Variants in TNFSF4 observed in about 807,000 individuals in gnomAD.
The protein encoded by TNFSF4 is tumor necrosis factor ligand superfamily member 4.
TNFSF4 carries 4 observed loss-of-function variants against 7.3 expected under a neutral mutation model. The observed-to-expected ratio is 0.55, with a 90% CI of 0.27 to 1.25. The LOEUF is 1.25. Ranked by LOEUF, TNFSF4 falls within the 50% of genes most tolerant of loss-of-function variation. TNFSF4 has a pLI of 0.12. For synonymous variants in TNFSF4, 76 were observed against 83.7 expected, an observed-to-expected ratio of 0.91 and a Z score of 0.50; for missense variants, 181 against 208.8, an observed-to-expected ratio of 0.87 and a Z score of 0.82.
the TNFSF4 span, among the ~76,000 whole-genome samples, chr1:173,379,616 C>T: frequency 1.3e-5 from 2 of 152,120 alleles, no homozygotes; most frequent in African/African-American, 4.8e-5. Context: ...ACTCTGGAGG[C>T]GTTATTAAAC....
intron 1 of TNFSF4, among the ~76,000 whole-genome samples, chr1:173,203,514 A>G (rs1298176066): frequency 6.6e-6 from 1 of 152,192 alleles, no homozygotes; most frequent in African/African-American, 2.4e-5. Context: ...GCTAATCTGA[A>G]ACAATATTTT....
At chr1:173,229,486 T>C in the TNFSF4 span, among the ~76,000 whole-genome samples, 10 of 152,240 alleles carry the variant, frequency 6.6e-5, no homozygotes, top group African/African-American at 2.4e-4. Context: ...ACATGCCAAA[T>C]TGTAAAGACC....
the TNFSF4 span, among the ~76,000 whole-genome samples, chr1:173,450,117 T>G: frequency 6.6e-6 from 1 of 152,046 alleles, no homozygotes. Context: ...CCACAGACCT[T>G]AAGAGGATAA....
At chr1:173,247,141 C>T in the TNFSF4 span, among the ~76,000 whole-genome samples, 43 of 152,162 alleles carry the variant, frequency 2.8e-4, no homozygotes, top group Admixed American at 1.3e-3. Context: ...GGGATGGGTG[C>T]CCTTTTAAGA....
At chr1:173,304,494 A>T in the TNFSF4 span, among the ~76,000 whole-genome samples, 1 of 152,004 alleles carries the variant, frequency 6.6e-6, no homozygotes, top group Non-Finnish European at 1.5e-5. Flanking sequence ...ATGAGGGAAA[A>T]GTCCTTTAGG....
chr1:173,230,288 C>T, the TNFSF4 span, among the ~76,000 whole-genome samples: 2 of 152,316 alleles, frequency 1.3e-5, no homozygotes, highest in South Asian at 4.1e-4. Context: ...CTCAAAACAG[C>T]TCAACTACAT....
chr1:173,240,257 C>T, the TNFSF4 span, among the ~76,000 whole-genome samples: 3 of 152,222 alleles, frequency 2.0e-5, no homozygotes, highest in East Asian at 3.9e-4. Context: ...CAAGGTAGGG[C>T]CTCTTGTTGG....
the TNFSF4 span, among the ~76,000 whole-genome samples, chr1:173,257,263 T>C: frequency 1.3e-5 from 2 of 152,246 alleles, no homozygotes; most frequent in Non-Finnish European, 1.5e-5. Context: ...TTAACTCCCA[T>C]TCACAGCATC....
chr1:173,181,318 C>T (rs1301939602), downstream of TNFSF4, among the ~76,000 whole-genome samples: 1 of 152,044 alleles, frequency 6.6e-6, no homozygotes, highest in African/African-American at 2.4e-5. Flanking sequence ...GCCTCAAATA[C>T]CAAAGAAGGC....
chr1:173,297,389 G>C, the TNFSF4 span, among the ~76,000 whole-genome samples: 70 of 152,074 alleles, frequency 4.6e-4, no homozygotes, highest in Middle Eastern at 3.4e-3. Flanking sequence ...CACAGTCATT[G>C]CTGTTTGCTT....
the TNFSF4 span, among the ~76,000 whole-genome samples, chr1:173,273,838 G>A: frequency 6.6e-6 from 1 of 152,060 alleles, no homozygotes; most frequent in Non-Finnish European, 1.5e-5. Context: ...TTAAAAGGAA[G>A]TGTGGCTGGA....
At chr1:173,257,778 G>T in the TNFSF4 span, among the ~76,000 whole-genome samples, 4 of 152,102 alleles carry the variant, frequency 2.6e-5, no homozygotes, top group Non-Finnish European at 4.4e-5. Flanking sequence ...AACTAGAGAG[G>T]CTCACCCAAG....
At chr1:173,214,714 C>A in the TNFSF4 span, among the ~76,000 whole-genome samples, 1 of 152,224 alleles carries the variant, frequency 6.6e-6, no homozygotes, top group Non-Finnish European at 1.5e-5. Context: ...TAAATTAGAT[C>A]TTTTCTTTTC....
the TNFSF4 span, among the ~76,000 whole-genome samples, chr1:173,236,204 C>G: frequency 2.6e-5 from 4 of 152,224 alleles, no homozygotes; most frequent in African/African-American, 9.6e-5. Flanking sequence ...CCAGTAGTCT[C>G]CTCATCTTAG....
the TNFSF4 span, among the ~76,000 whole-genome samples, chr1:173,366,980 C>T: frequency 2.0e-5 from 3 of 152,154 alleles, no homozygotes; most frequent in Non-Finnish European, 4.4e-5. Context: ...CTTCTAAGCC[C>T]CTGGGAGGGG....
chr1:173,423,669 C>T, the TNFSF4 span, among the ~76,000 whole-genome samples: 1 of 152,180 alleles, frequency 6.6e-6, no homozygotes, highest in Admixed American at 6.5e-5. Context: ...GGAAGGAGAA[C>T]ATCCCACCGG....
chr1:173,290,382 G>C, the TNFSF4 span, among the ~76,000 whole-genome samples: 1 of 152,102 alleles, frequency 6.6e-6, no homozygotes, highest in East Asian at 1.9e-4. Flanking sequence ...TTAAAGTCAA[G>C]GGACGAAGAA....
the TNFSF4 span, among the ~76,000 whole-genome samples, chr1:173,448,448 T>G: frequency 6.6e-6 from 1 of 152,108 alleles, no homozygotes; most frequent in Non-Finnish European, 1.5e-5. Context: ...GACCACCAAA[T>G]AGGCTTTGTG....
the TNFSF4 span, among the ~76,000 whole-genome samples, chr1:173,423,792 G>A: frequency 1.0e-3 from 155 of 152,302 alleles, no homozygotes; most frequent in African/African-American, 3.6e-3. Context: ...TATAATTAGA[G>A]AGTGTCTTCA....
Sources: allele counts gnomAD v4.1 joint callset (sites outside exome capture counted in the v4.1 genomes callset), GRCh38; gene constraint gnomAD v4.1.1; transcripts MANE v1.5; gene names NCBI Gene and HGNC (gene_info 2026-07-23, HGNC 2026-07-21).